MICU2: variants seen among roughly 807,000 people sequenced by gnomAD.
The protein encoded by MICU2 is calcium uptake protein 2, mitochondrial.
A neutral mutation model predicts 60.4 loss-of-function variants in MICU2; 64 were observed. The ratio of observed to expected loss-of-function variants is 1.06; its 90% CI spans 0.87 to 1.31. MICU2 has a LOEUF of 1.31. MICU2 is among the 50% of genes most tolerant of loss of function. The pLI, the probability that MICU2 is intolerant of heterozygous loss-of-function variation, is 0.00. For missense variants in MICU2, 569 were observed against 531.0 expected (o/e 1.07, Z -0.70); for synonymous variants, 201 against 175.0 (o/e 1.15, Z -1.17).
chr13:21,594,549 AATCATTCTACTATGCAG>A (rs1462839193), intron 1 of MICU2, among the ~76,000 whole-genome samples: 1 of 152,190 alleles, frequency 6.6e-6, no homozygotes, highest in Non-Finnish European at 1.5e-5. Flanking sequence ...AAGGAATATA[AATCATTCTACTATGCAG>A]ACACATGCAC....
chr13:21,557,042 C>A (rs202149118), intron 2 of MICU2, among the ~76,000 whole-genome samples: 9 of 152,130 alleles, frequency 5.9e-5, no homozygotes, highest in African/African-American at 1.9e-4. Flanking sequence ...AAATGACAAA[C>A]CTGTAGCTAC....
intron 1 of MICU2, among the ~76,000 whole-genome samples, chr13:21,591,853 A>G (rs1308093903): frequency 6.6e-6 from 1 of 152,154 alleles, no homozygotes; most frequent in Non-Finnish European, 1.5e-5. Flanking sequence ...TCTGGGACAC[A>G]GCTAAGGCAA....
chr13:21,591,266 CAAAA>C (rs1385313141), intron 1 of MICU2, among the ~76,000 whole-genome samples: 1 of 149,730 alleles, frequency 6.7e-6, no homozygotes, highest in African/African-American at 2.5e-5. Context: ...TCAACAAAGA[CAAAA>C]AAAGACAAAG....
chr13:21,579,858 C>T (rs1288727394), intron 1 of MICU2, among the ~76,000 whole-genome samples: 1 of 152,090 alleles, frequency 6.6e-6, no homozygotes, highest in African/African-American at 2.4e-5. Flanking sequence ...TCTGAGGATA[C>T]TTTTAACAGT....
rs116324475 is a variant in MICU2, at chr13:21,539,924, A to G, written c.359-236T>C. On this transcript the variant is annotated intron_variant, in intron 2 of 11. Coordinates refer to ENST00000382374, the MANE Select transcript of MICU2 (RefSeq NM_152726.3). ...ATCCATTTTCAATTTCACTCACCCT[A>G]TTTCATACATATGAAATTGTATATA... Among the ~76,000 whole-genome samples, 560 of 152,256 alleles carry G rather than the reference A, an allele frequency of 3.7e-3. 5 individuals are homozygous for G. Among genetic ancestry groups the G allele is most frequent in the Admixed American group, 0.014 (217 of 15,282 alleles).
chr13:21,601,264 G>A (rs545263731), intron 1 of MICU2, among the ~76,000 whole-genome samples: 1 of 152,298 alleles, frequency 6.6e-6, no homozygotes, highest in South Asian at 2.1e-4. Flanking sequence ...TAAAGTAGTG[G>A]TAGTAGGCCC....
intron 4 of MICU2, among the ~76,000 whole-genome samples, chr13:21,523,890 C>T (rs1886786439): frequency 6.6e-6 from 1 of 152,138 alleles, no homozygotes; most frequent in East Asian, 1.9e-4. Flanking sequence ...GAGAGAGTGC[C>T]TGGAACTGCC....
At chr13:21,503,579 C>A (rs1407200047) in intron 8 of MICU2, among the ~76,000 whole-genome samples, 1 of 152,162 alleles carries the variant, frequency 6.6e-6, no homozygotes. Flanking sequence ...GGCTTGGCAT[C>A]AAAAGCTTAG....
intron 9 of MICU2, among the ~76,000 whole-genome samples, chr13:21,497,533 ACCC>A (rs1218602197): frequency 6.6e-6 from 1 of 151,656 alleles, no homozygotes; most frequent in African/African-American, 2.4e-5. Context: ...ACATGGTGAA[ACCC>A]CCATCTCTAC....
intron 9 of MICU2, among the ~76,000 whole-genome samples, chr13:21,498,667 C>T (rs1255596239): frequency 6.6e-6 from 1 of 152,000 alleles, no homozygotes; most frequent in African/African-American, 2.4e-5. Context: ...GCGTGAGCCA[C>T]CGCGCCTGGC....
intron 6 of MICU2, among the ~76,000 whole-genome samples, chr13:21,518,097 T>A (rs566974738): frequency 6.6e-6 from 1 of 152,358 alleles, no homozygotes; most frequent in African/African-American, 2.4e-5. Flanking sequence ...CATGAGGTAA[T>A]CACCCAACAA....
chr13:21,518,130 T>C (rs568285992), intron 6 of MICU2, among the ~76,000 whole-genome samples: 9 of 152,346 alleles, frequency 5.9e-5, no homozygotes, highest in Admixed American at 5.2e-4. Context: ...TATGGAGATA[T>C]CTGTGGTATT....
intron 1 of MICU2, among the ~76,000 whole-genome samples, chr13:21,594,148 T>C (rs1166829068): frequency 1.3e-5 from 2 of 152,120 alleles, no homozygotes; most frequent in African/African-American, 2.4e-5. Flanking sequence ...AAAGGTCTAA[T>C]ATACAGAATT....
At chr13:21,537,005 C>T (rs1252843589) in intron 4 of MICU2, among the ~76,000 whole-genome samples, 1 of 152,202 alleles carries the variant, frequency 6.6e-6, no homozygotes, top group Non-Finnish European at 1.5e-5. Context: ...TGGTTGTTTT[C>T]TGCTCTTGGA....
chr13:21,530,101 A>G (rs762026720), intron 4 of MICU2, among the ~76,000 whole-genome samples: 7 of 152,090 alleles, frequency 4.6e-5, no homozygotes, highest in Non-Finnish European at 1.0e-4. Context: ...TTACCTGCCA[A>G]TTGCTTAATT....
intron 2 of MICU2, among the ~76,000 whole-genome samples, chr13:21,554,569 A>T (rs902825163): frequency 3.9e-5 from 6 of 152,190 alleles, no homozygotes; most frequent in Admixed American, 3.9e-4. Flanking sequence ...AAATGCCCAC[A>T]AGAGAAAGCA....
At chr13:21,584,909 A>G (rs1224619379) in intron 1 of MICU2, among the ~76,000 whole-genome samples, 2 of 152,248 alleles carry the variant, frequency 1.3e-5, no homozygotes, top group Non-Finnish European at 2.9e-5. Context: ...ATTAGCTACT[A>G]AAACACATGG....
intron 9 of MICU2, among the ~76,000 whole-genome samples, chr13:21,500,417 A>ATTTTTTTTTTTTTTTTT (rs10608018): frequency 1.6e-5 from 2 of 124,960 alleles, no homozygotes; most frequent in African/African-American, 6.1e-5. Context: ...ATACCTACTG[A>ATTTTTTTTTTTTTTTTT]TTTTTTTTTT....
In MICU2 at chr13:21,531,691, G is replaced by C. The variant is rs147447499; in HGVS notation, c.466+7611C>G. Among the ~76,000 whole-genome samples, 411 of 152,324 alleles carry C rather than the reference G, an allele frequency of 2.7e-3. 1 individual carries two copies. Among genetic ancestry groups the C allele is most frequent in the Non-Finnish European group, 4.3e-3 (292 of 68,014 alleles). ...ATTTGTATGTAATGGATATGAGGTA[G>C]CTGAAGTTTGGTTCAGTAAGCAGGG... On this transcript the variant is annotated intron_variant, in intron 4 of 11. Coordinates refer to ENST00000382374, the MANE Select transcript of MICU2 (RefSeq NM_152726.3).
Sources: allele counts gnomAD v4.1 joint callset (sites outside exome capture counted in the v4.1 genomes callset), GRCh38; gene constraint gnomAD v4.1.1; transcripts MANE v1.5; gene names NCBI Gene and HGNC (gene_info 2026-07-23, HGNC 2026-07-21).